The following XKRX variants were observed in gnomAD, a reference collection of about 807,000 sequenced individuals.
XKRX encodes the protein XK-related protein 2.
XKRX carries 11 observed loss-of-function variants against 22.4 expected under a neutral mutation model. The observed-to-expected ratio is 0.49, with a 90% CI of 0.31 to 0.81. The LOEUF is 0.81. XKRX is among the 40% of genes least tolerant of loss of function. The pLI is 0.05. For synonymous variants in XKRX, 114 were observed against 132.2 expected (o/e 0.86, Z 0.94); for missense variants, 320 against 336.5 (o/e 0.95, Z 0.38).
the XKRX span, among the ~76,000 whole-genome samples, chrX:100,941,001 A>G: frequency 8.9e-6 from 1 of 111,805 alleles, no homozygotes; most frequent in Non-Finnish European, 1.9e-5. Context: ...ACATCCCTCT[A>G]GCTCAAGCCC....
intron 2 of XKRX, among the ~76,000 whole-genome samples, chrX:100,918,784 C>T (rs1479853956): frequency 2.7e-5 from 3 of 111,076 alleles, no homozygotes; most frequent in Non-Finnish European, 5.7e-5. Flanking sequence ...TCTTCTTCTT[C>T]CTTCTTCCCT....
At position 100,928,696 on chromosome X, in the gene XKRX, G is replaced by A; in HGVS notation, c.-392C>T. The A allele has an allele frequency of 5.1e-6, 4 of 785,114 alleles. No individual in the cohort carries two copies. The highest frequency in any genetic ancestry group is 6.1e-6 in the Non-Finnish European group (4 of 660,022). 64.7% of individuals were successfully genotyped at this position (785,114 alleles called of 1,213,427 possible). A position where few individuals can be genotyped will look rare whatever the true frequency, so the allele number is the denominator to read the frequency against. ...CTCCTTTCGCAGCCCCTCAGGCAGG[G>A]TGTAGCCGATCTGTCGGGGGCACCG... On this transcript the variant is annotated 5_prime_UTR_variant, in exon 1 of 3. Transcript: ENST00000372956.
chrX:100,900,710 A>T, the XKRX span, among the ~76,000 whole-genome samples: 1 of 109,788 alleles, frequency 9.1e-6, no homozygotes, highest in Non-Finnish European at 1.9e-5. Context: ...CATATATATA[A>T]AAACACCTTA....
At chrX:100,917,718 G>GAA (rs1162920442) in intron 2 of XKRX, among the ~76,000 whole-genome samples, 5 of 85,762 alleles carry the variant, frequency 5.8e-5, no homozygotes, top group African/African-American at 1.9e-4. Context: ...AAGAAAGAAA[G>GAA]AAAGAAATCC....
chrX:100,910,855 T>C (rs1420412630), downstream of XKRX: 1 of 758,113 alleles, frequency 1.3e-6, no homozygotes, highest in East Asian at 3.2e-5. Context: ...AGGCTAAGCT[T>C]TACCATAAAC....
chrX:100,927,881 T>C (rs2085504547), intron 1 of XKRX, 89 bp downstream of exon 1: 8 of 1,042,702 alleles, frequency 7.7e-6, no homozygotes, highest in Middle Eastern at 2.7e-4. Flanking sequence ...ATTAGAGCCA[T>C]AGTATCCATC....
the XKRX span, among the ~76,000 whole-genome samples, chrX:100,897,593 A>ATATATGTGTGTGTG: frequency 1.5e-4 from 10 of 66,460 alleles, no homozygotes; most frequent in African/African-American, 5.4e-4. Flanking sequence ...AAATATATAT[A>ATATATGTGTGTGTG]TGTGTGTGTG....
the XKRX span, among the ~76,000 whole-genome samples, chrX:100,906,268 G>C: frequency 9.0e-6 from 1 of 111,401 alleles, no homozygotes; most frequent in East Asian, 2.8e-4. Context: ...ATCACCCAAA[G>C]TTCATAGTTT....
At chrX:100,907,334 G>A in the XKRX span, among the ~76,000 whole-genome samples, 22 of 110,858 alleles carry the variant, frequency 2.0e-4, no homozygotes, top group African/African-American at 6.9e-4. Context: ...TAGCTGGGAC[G>A]ACAGGTACAC....
chrX:100,955,663 A>T, the XKRX span, among the ~76,000 whole-genome samples: 1 of 111,301 alleles, frequency 9.0e-6, no homozygotes, highest in Non-Finnish European at 1.9e-5. Context: ...ACAGAGCAAG[A>T]CTCTGTCTCA....
the XKRX span, among the ~76,000 whole-genome samples, chrX:100,943,871 A>G: frequency 9.8e-5 from 11 of 111,974 alleles, no homozygotes; most frequent in South Asian, 4.1e-3. Context: ...ACTGTCTCAA[A>G]CAAAATCCTT....
the XKRX span, among the ~76,000 whole-genome samples, chrX:100,902,570 T>C: frequency 8.9e-6 from 1 of 111,758 alleles, no homozygotes. Context: ...ATCCCAAGAA[T>C]GAAAGTCTGT....
chrX:100,929,926 G>C (rs1196985245), upstream of XKRX, among the ~76,000 whole-genome samples: 1 of 111,494 alleles, frequency 9.0e-6, no homozygotes, highest in Non-Finnish European at 1.9e-5. Flanking sequence ...CTGAGCTTTT[G>C]TTTTCATATC....
intron 2 of XKRX, among the ~76,000 whole-genome samples, chrX:100,917,101 AGAGT>A (rs756968422): frequency 9.0e-6 from 1 of 111,061 alleles, no homozygotes; most frequent in South Asian, 3.9e-4. Flanking sequence ...CCTGGGCAAC[AGAGT>A]GAGACTCTGT....
At chrX:100,957,033 G>A in the XKRX span, 26 of 1,108,414 alleles carry the variant, frequency 2.3e-5, no homozygotes, top group South Asian at 1.8e-4. Context: ...TTTCTCAGCC[G>A]AATTCCTTAA....
chrX:100,944,358 TTTTTG>T, the XKRX span, among the ~76,000 whole-genome samples: 3 of 111,015 alleles, frequency 2.7e-5, no homozygotes, highest in Non-Finnish European at 3.8e-5. Flanking sequence ...TAAATCAACG[TTTTTG>T]TTTTGTTTTG....
At chrX:100,888,122 G>A in the XKRX span, 1 of 1,173,753 alleles carries the variant, frequency 8.5e-7, no homozygotes, top group South Asian at 1.8e-5. Context: ...TCTTATCCAT[G>A]GAGTCATGGT....
chrX:100,901,082 A>G, the XKRX span, among the ~76,000 whole-genome samples: 8 of 110,950 alleles, frequency 7.2e-5, no homozygotes, highest in Middle Eastern at 4.3e-3. Flanking sequence ...GAGCCACCGC[A>G]CCTGGCCCAC....
the XKRX span, among the ~76,000 whole-genome samples, chrX:100,938,280 T>C: frequency 9.0e-6 from 1 of 110,744 alleles, no homozygotes; most frequent in Non-Finnish European, 1.9e-5. Context: ...CAAATCTCTC[T>C]CACAAACAGC....
Sources: gnomAD v4.1 joint callset for allele counts (sites outside exome capture counted in the v4.1 genomes callset) on GRCh38, gnomAD v4.1.1 for gene constraint, MANE v1.5 for transcripts, NCBI Gene and HGNC (gene_info 2026-07-23, HGNC 2026-07-21) for gene names.